The following SPATA21 variants were observed in gnomAD, a reference collection of about 807,000 sequenced individuals.
The protein encoded by SPATA21 is spermatogenesis associated 21.
SPATA21 carries 47 observed loss-of-function variants against 54.8 expected under a neutral mutation model. The observed-to-expected ratio is 0.86, with a 90% CI of 0.68 to 1.09. SPATA21 has a LOEUF of 1.09. Ranked by LOEUF, SPATA21 falls within the 50% of genes least tolerant of loss-of-function variation. The pLI is 0.00. For synonymous variants in SPATA21, 245 were observed against 235.3 expected (o/e 1.04, Z -0.38); for missense variants, 599 against 596.4 (o/e 1.00, Z -0.05).
rs1453930447 is a variant in SPATA21 at position 16,431,345 on chromosome 1, G to A, written c.27C>T (p.Tyr9=). The stretch of plus-strand genomic sequence containing the variant: ...CTGGAGCCTTGGTTCTACCCTCCGT[G>A]TACATCTGGGTGTTTCTATTGTCCA... MDNRNTQM[Y]TEEEKTVNPF... The change falls in exon 3 of 13, where the codon TAC becomes TAT. Residue 9 remains tyrosine, a synonymous_variant. Transcript: ENST00000335496. 6.2e-7 allele frequency: 1 copy of A among 1,614,134 alleles called. No homozygotes were observed. Among genetic ancestry groups the A allele is most frequent in the Admixed American group, 1.7e-5 (1 of 60,020 alleles).
chr1:16,416,102 C>T (rs988650533), intron 5 of SPATA21, among the ~76,000 whole-genome samples: 1 of 152,364 alleles, frequency 6.6e-6, no homozygotes, highest in South Asian at 2.1e-4. Context: ...CCCGAGCCTG[C>T]AGGGGCTCCC....
At chr1:16,420,085 G>A (rs2086125365) in intron 5 of SPATA21, among the ~76,000 whole-genome samples, 2 of 152,084 alleles carry the variant, frequency 1.3e-5, no homozygotes, top group South Asian at 2.1e-4. Context: ...GAACTAGGGA[G>A]GGAGACTGGG....
intron 8 of SPATA21, among the ~76,000 whole-genome samples, chr1:16,404,640 C>A (rs530234169): frequency 6.6e-6 from 1 of 152,208 alleles, no homozygotes; most frequent in South Asian, 2.1e-4. Context: ...AACAAAGACT[C>A]CATCTCTACA....
intron 7 of SPATA21, among the ~76,000 whole-genome samples, chr1:16,406,558 A>G (rs1001721531): frequency 2.6e-5 from 4 of 151,934 alleles, no homozygotes; most frequent in African/African-American, 7.2e-5. Flanking sequence ...CCTGGGCAAC[A>G]TAAGAGACTC....
At chr1:16,425,458 G>C in intron 3 of SPATA21, 1 of 1,487,096 alleles carries the variant, frequency 6.7e-7, no homozygotes, top group South Asian at 1.2e-5. Context: ...ATGATAGGAG[G>C]GGGGCTCTTT....
At chr1:16,431,253 C>T (rs991369744) in intron 3 of SPATA21, 85 bp downstream of exon 3, 2 of 1,612,674 alleles carry the variant, frequency 1.2e-6, no homozygotes, top group African/African-American at 1.3e-5. Context: ...CTTGCTGACT[C>T]CTGGTATGAT....
intron 5 of SPATA21, among the ~76,000 whole-genome samples, chr1:16,413,536 A>AAATG (rs2085914841): frequency 6.6e-6 from 1 of 152,218 alleles, no homozygotes; most frequent in African/African-American, 2.4e-5. Flanking sequence ...ATATACCCAG[A>AAATG]AATGGAGTTT....
intron 7 of SPATA21, chr1:16,408,591 G>A: frequency 1.1e-6 from 1 of 950,946 alleles, no homozygotes; most frequent in Non-Finnish European, 1.3e-6. Context: ...CCTAGCACGA[G>A]GCTGGGCGCG....
downstream of SPATA21, among the ~76,000 whole-genome samples, chr1:16,398,433 G>A (rs929345860): frequency 4.6e-5 from 7 of 152,166 alleles, no homozygotes; most frequent in African/African-American, 1.7e-4. Context: ...GCTTTTGTGG[G>A]GCTCCCAGTC....
At chr1:16,433,671 C>T (rs2086516374) in intron 1 of SPATA21, among the ~76,000 whole-genome samples, 1 of 152,190 alleles carries the variant, frequency 6.6e-6, no homozygotes, top group South Asian at 2.1e-4. Flanking sequence ...AGAGGGGCTC[C>T]AGCCCCTATC....
chr1:16,414,500 A>T (rs2085942510), intron 5 of SPATA21, among the ~76,000 whole-genome samples: 1 of 152,238 alleles, frequency 6.6e-6, no homozygotes, highest in South Asian at 2.1e-4. Flanking sequence ...TATGTTAACT[A>T]AACACTGATT....
chr1:16,400,580 TAC>T (rs1396526312), intron 11 of SPATA21, 138 bp downstream of exon 11: 1 of 1,484,254 alleles, frequency 6.7e-7, no homozygotes, highest in African/African-American at 1.4e-5. Context: ...TTTTCTGATG[TAC>T]ACAGTTAAGC....
chr1:16,431,338 C>T lies in SPATA21; in HGVS notation c.34G>A (p.Glu12Lys). The change falls in exon 3 of 13, where the codon GAG becomes AAG. Residue 12 changes from glutamate to lysine, a missense_variant and splice_region_variant. Glu to Lys is a moderately conservative substitution (Grantham distance 56, BLOSUM62 1). Transcript: ENST00000335496. The stretch of plus-strand genomic sequence containing the variant: ...TGCGTCCCTGGAGCCTTGGTTCTAC[C>T]CTCCGTGTACATCTGGGTGTTTCTA... ...DNRNTQMYTE[E>K]EKTVNPFLPS... The T allele has an allele frequency of 6.2e-7, 1 of 1,614,096 alleles. No individual in the cohort carries two copies. The highest frequency in any genetic ancestry group is 1.3e-5 in the African/African-American group (1 of 75,010).
At chr1:16,432,132 T>A (rs897041134) in intron 2 of SPATA21, among the ~76,000 whole-genome samples, 1 of 118,666 alleles carries the variant, frequency 8.4e-6, no homozygotes, top group African/African-American at 3.1e-5. Context: ...TTTTTTTTTG[T>A]TTGTTTTGAG....
intron 5 of SPATA21, among the ~76,000 whole-genome samples, chr1:16,419,965 C>T (rs2086122509): frequency 6.6e-6 from 1 of 151,648 alleles, no homozygotes; most frequent in Admixed American, 6.6e-5. Flanking sequence ...AAAGTCTCGC[C>T]TGAAGATATG....
rs1255303318 is a variant in SPATA21, at chr1:16,421,977, G to T, written c.35-6C>A. 6.2e-7 allele frequency: 1 copy of T among 1,614,204 alleles called. No individual in the cohort carries two copies. Among genetic ancestry groups the T allele is most frequent in the East Asian group, 2.2e-5 (1 of 44,880 alleles). ...GGGGTTGACTGTCTTTTCCTCTGGAGCCACGACGGACATTGGGGGCATTGC... is the reference window on the plus strand; with the variant it reads ...GGGGTTGACTGTCTTTTCCTCTGGATCCACGACGGACATTGGGGGCATTGC... On this transcript the variant is annotated splice_region_variant and splice_polypyrimidine_tract_variant and intron_variant, in intron 3 of 12. Transcript: ENST00000335496. The surrounding 1 kb of genome is among the most constrained non-coding windows in gnomAD (Gnocchi z 5.2).
intron 10 of SPATA21, 113 bp from the exon 11 acceptor site, chr1:16,401,005 A>G: frequency 2.3e-6 from 3 of 1,315,906 alleles, no homozygotes; most frequent in Non-Finnish European, 3.1e-6. Flanking sequence ...CCTAGGAGTC[A>G]GGAAACCTGG....
intron 3 of SPATA21, chr1:16,425,139 G>T (rs978911972): frequency 6.6e-6 from 3 of 451,198 alleles, no homozygotes; most frequent in African/African-American, 2.0e-5. Flanking sequence ...GGCTGGTCTT[G>T]ACCTCAGGTG....
chr1:16,424,043 C>T (rs994508757), intron 3 of SPATA21, among the ~76,000 whole-genome samples: 1 of 151,258 alleles, frequency 6.6e-6, no homozygotes, highest in Non-Finnish European at 1.5e-5. Context: ...TGTTTGCTTT[C>T]TTGATTGTGG....
Sources: gnomAD v4.1 joint callset for allele counts (sites outside exome capture counted in the v4.1 genomes callset) on GRCh38, gnomAD v4.1.1 for gene constraint, Gnocchi (gnomAD v3.1) non-coding constraint, MANE v1.5 for transcripts, NCBI Gene and HGNC (gene_info 2026-07-23, HGNC 2026-07-21) for gene names.